CA5A: variants seen among roughly 807,000 people sequenced by gnomAD.
The protein encoded by CA5A is carbonic anhydrase 5A.
In CA5A, 28 loss-of-function variants were observed where a neutral mutation model predicts 37.1. That is an observed-to-expected ratio of 0.75 (90% confidence interval 0.56 to 1.03). The LOEUF (loss-of-function observed/expected upper bound fraction) is 1.03, where lower values mean the gene tolerates loss of function less well. Ranked by LOEUF, CA5A falls within the 50% of genes least tolerant of loss-of-function variation. CA5A has a pLI of 0.00. For synonymous variants in CA5A, 171 were observed against 158.4 expected (o/e 1.08, Z -0.60); for missense variants, 444 against 399.9 (o/e 1.11, Z -0.94).
At chr16:87,891,615 C>A (rs1005433906) in intron 6 of CA5A, among the ~76,000 whole-genome samples, 184 bp downstream of exon 6, 5 of 152,166 alleles carry the variant, frequency 3.3e-5, no homozygotes, top group Admixed American at 2.6e-4. Context: ...ATCACTGGAA[C>A]CGCTGTCCAA....
intron 1 of CA5A, among the ~76,000 whole-genome samples, chr16:87,934,075 T>C (rs1428944383): frequency 6.6e-6 from 1 of 152,242 alleles, no homozygotes; most frequent in Non-Finnish European, 1.5e-5. Flanking sequence ...AATGCTTAAA[T>C]AGACACAGGG....
At chr16:87,906,095 C>T (rs947405711) in intron 2 of CA5A, among the ~76,000 whole-genome samples, 6 of 152,228 alleles carry the variant, frequency 3.9e-5, no homozygotes, top group Non-Finnish European at 7.3e-5. Flanking sequence ...AATGGGGTAC[C>T]CGTTCCACAC....
intron 6 of CA5A, among the ~76,000 whole-genome samples, chr16:87,890,550 G>C (rs2055698108): frequency 6.6e-6 from 1 of 152,114 alleles, no homozygotes; most frequent in Admixed American, 6.5e-5. Flanking sequence ...AACTGCCTTG[G>C]ACAGACAGAA....
chr16:87,910,537 G>A (rs1156723891), intron 2 of CA5A, among the ~76,000 whole-genome samples: 1 of 152,080 alleles, frequency 6.6e-6, no homozygotes, highest in Non-Finnish European at 1.5e-5. Context: ...GTAAAGTTAG[G>A]GACCCAATTT....
At chr16:87,929,818 G>C (rs1374099988) in intron 1 of CA5A, among the ~76,000 whole-genome samples, 1 of 131,754 alleles carries the variant, frequency 7.6e-6, no homozygotes, top group Non-Finnish European at 1.5e-5. Context: ...CTTGCAGTGA[G>C]CCGAGATCGC....
At chr16:87,906,020 T>C (rs746670147) in intron 2 of CA5A, among the ~76,000 whole-genome samples, 5 of 152,214 alleles carry the variant, frequency 3.3e-5, no homozygotes, top group Non-Finnish European at 5.9e-5. Context: ...GGGGTTCGGA[T>C]GTGGGTGGCT....
chr16:87,917,487 G>A (rs1387907792), intron 2 of CA5A, among the ~76,000 whole-genome samples: 1 of 152,238 alleles, frequency 6.6e-6, no homozygotes, highest in Non-Finnish European at 1.5e-5. Flanking sequence ...TGTAGAGAGA[G>A]AGGGGACACT....
intron 2 of CA5A, among the ~76,000 whole-genome samples, chr16:87,921,707 G>C (rs1490077120): frequency 6.6e-6 from 1 of 152,162 alleles, no homozygotes; most frequent in African/African-American, 2.4e-5. Flanking sequence ...TGGAAGCCCA[G>C]CCAGCAACAC....
intron 2 of CA5A, among the ~76,000 whole-genome samples, chr16:87,913,095 C>T (rs2144005860): frequency 6.6e-6 from 1 of 152,032 alleles, no homozygotes; most frequent in South Asian, 2.1e-4. Context: ...GCAATTCTGC[C>T]TCAGCCTCCT....
At chr16:87,932,420 TG>T (rs1300771816) in intron 1 of CA5A, among the ~76,000 whole-genome samples, 1 of 151,978 alleles carries the variant, frequency 6.6e-6, no homozygotes, top group African/African-American at 2.4e-5. Flanking sequence ...CCACCAACAA[TG>T]AAACACCCGC....
intron 5 of CA5A, chr16:87,892,997 C>G: frequency 8.1e-7 from 1 of 1,228,980 alleles, no homozygotes; most frequent in Non-Finnish European, 1.2e-6. Flanking sequence ...AGGATGTCCA[C>G]ATGCCTAAGC....
intron 2 of CA5A, among the ~76,000 whole-genome samples, chr16:87,913,665 T>G (rs796498559): frequency 3.8e-5 from 5 of 130,272 alleles, no homozygotes; most frequent in Non-Finnish European, 6.2e-5. Flanking sequence ...CCCCCCCTCC[T>G]CTCCAATACG....
intron 2 of CA5A, among the ~76,000 whole-genome samples, chr16:87,919,626 G>A (rs1486976744): frequency 6.6e-6 from 1 of 152,192 alleles, no homozygotes; most frequent in African/African-American, 2.4e-5. Context: ...CCCGGTTGCA[G>A]CCCGGACTCT....
chr16:87,888,922 T>C (rs1018157447), intron 6 of CA5A, among the ~76,000 whole-genome samples: 24 of 150,530 alleles, frequency 1.6e-4, no homozygotes, highest in Admixed American at 6.0e-4. Flanking sequence ...CCGGCTAATT[T>C]TTTTTTTTTT....
At position 87,903,863 on chromosome 16, in the gene CA5A, A is replaced by G. The variant is rs138370067; in HGVS notation, c.459+923T>C. Among the ~76,000 whole-genome samples, 334 of 152,326 alleles carry G rather than the reference A, an allele frequency of 2.2e-3. 1 individual carries two copies. The highest frequency in any genetic ancestry group is 7.7e-3 in the African/African-American group (321 of 41,570). ...CAGGACTGAGACATCAAACTCGTAG[A>G]TTCTTCTCGTTCATTTCTTTTCATT... On this transcript the variant is annotated intron_variant, in intron 3 of 6. Transcript: ENST00000649794.
Position 87,912,264 on chromosome 16 carries a change from T to G in CA5A, c.341-7360A>C, listed in dbSNP as rs1298432375. Among the ~76,000 whole-genome samples, 13 of 152,160 alleles carry G rather than the reference T, an allele frequency of 8.5e-5. No homozygotes were observed. The East Asian group carries it at 2.3e-3, about 27-fold the overall frequency. On this transcript the variant is annotated intron_variant, in intron 2 of 6. Transcript: ENST00000649794. ...TTGCAGTGAGCCGAGGTCGTGTCAC[T>G]GAACTCCAGCCTGGGCGACAGAGGG...
chr16:87,905,920 G>A (rs551402266), intron 2 of CA5A, among the ~76,000 whole-genome samples: 3 of 152,212 alleles, frequency 2.0e-5, no homozygotes, highest in South Asian at 2.1e-4. Flanking sequence ...AGCATCGCTC[G>A]CTGAGGCCTC....
At chr16:87,893,835 C>A in intron 5 of CA5A, 1 of 314,420 alleles carries the variant, frequency 3.2e-6, no homozygotes, top group Non-Finnish European at 6.2e-6. Context: ...TGCAATGATG[C>A]CATCATAGCT....
At chr16:87,914,775 G>C (rs951726971) in intron 2 of CA5A, among the ~76,000 whole-genome samples, 9 of 152,196 alleles carry the variant, frequency 5.9e-5, no homozygotes. Context: ...GGCTGGGCTT[G>C]GGAGGGGCTG....
Sources: allele counts gnomAD v4.1 joint callset (sites outside exome capture counted in the v4.1 genomes callset), GRCh38; gene constraint gnomAD v4.1.1; transcripts MANE v1.5; gene names NCBI Gene and HGNC (gene_info 2026-07-23, HGNC 2026-07-21).